The following STK38L variants were observed in gnomAD, a reference collection of about 807,000 sequenced individuals.
STK38L encodes the protein serine/threonine kinase 38 like.
In STK38L, 28 loss-of-function variants were observed where a neutral mutation model predicts 59.7. The observed-to-expected ratio is 0.47, with a 90% confidence interval of 0.35 to 0.64. The LOEUF is 0.64. STK38L is among the 30% of genes least tolerant of loss of function. The probability of loss-of-function intolerance (pLI) is 0.01; values close to 1 mark genes in which losing one functional copy is unlikely to be tolerated. For missense variants in STK38L, 314 were observed against 555.8 expected (o/e 0.56, Z 4.37); for synonymous variants, 162 against 176.8 (o/e 0.92, Z 0.66).
intron 1 of STK38L, among the ~76,000 whole-genome samples, chr12:27,273,102 C>A (rs1565531134): frequency 6.6e-6 from 1 of 151,326 alleles, no homozygotes; most frequent in Admixed American, 6.6e-5. Context: ...GTTGACAAAG[C>A]CAGTTTGTGT....
At chr12:27,298,014 T>G (rs1944068923) in intron 2 of STK38L, 160 bp downstream of exon 2, 1 of 856,526 alleles carries the variant, frequency 1.2e-6, no homozygotes, top group Non-Finnish European at 1.7e-6. Flanking sequence ...TGTGTTTTAT[T>G]TTCACAGAGT....
chr12:27,270,021 G>A (rs192508653), intron 1 of STK38L, among the ~76,000 whole-genome samples: 22 of 152,112 alleles, frequency 1.4e-4, no homozygotes, highest in Admixed American at 7.9e-4. Flanking sequence ...ATTTAATCCC[G>A]TATTCAAACT....
intron 1 of STK38L, among the ~76,000 whole-genome samples, chr12:27,262,372 T>C (rs1177948814): frequency 6.6e-6 from 1 of 152,220 alleles, no homozygotes; most frequent in African/African-American, 2.4e-5. Context: ...AAATTCCATA[T>C]ATTTTCACTG....
At chr12:27,256,086 G>A (rs1943086233) in intron 1 of STK38L, among the ~76,000 whole-genome samples, 1 of 152,140 alleles carries the variant, frequency 6.6e-6, no homozygotes, top group Admixed American at 6.5e-5. Flanking sequence ...CCTTAACTAT[G>A]TCTTGAACTC....
At chr12:27,260,129 A>C (rs1943175164) in intron 1 of STK38L, among the ~76,000 whole-genome samples, 1 of 152,018 alleles carries the variant, frequency 6.6e-6, no homozygotes, top group African/African-American at 2.4e-5. Context: ...TTTCTGACTC[A>C]TTCTCCTTCT....
intron 3 of STK38L, among the ~76,000 whole-genome samples, chr12:27,307,801 T>C (rs573592141): frequency 6.6e-6 from 1 of 152,356 alleles, no homozygotes; most frequent in East Asian, 1.9e-4. Flanking sequence ...TGTAATTGTT[T>C]TTGCAATTTT....
At position 27,322,514 on chromosome 12, in the gene STK38L, C is replaced by G; in HGVS notation, c.*59C>G. ...TCAGGTAGCTGCATCACCAGGCTTG[C>G]TTGGCGTAGATAACAATACACTGAA... On this transcript the variant is annotated 3_prime_UTR_variant, in exon 14 of 14. Transcript: ENST00000389032. 1 of 1,583,934 alleles carries G rather than the reference C, an allele frequency of 6.3e-7. No individual in the cohort carries two copies. The highest frequency in any genetic ancestry group is 8.6e-7 in the Non-Finnish European group (1 of 1,169,254).
chr12:27,269,357 G>A (rs1481995153), intron 1 of STK38L, among the ~76,000 whole-genome samples: 2 of 152,122 alleles, frequency 1.3e-5, no homozygotes, highest in Non-Finnish European at 2.9e-5. Context: ...AGTTTTCCCA[G>A]CACCATTTAT....
At chr12:27,295,406 G>A (rs776040614) in intron 1 of STK38L, among the ~76,000 whole-genome samples, 5 of 152,208 alleles carry the variant, frequency 3.3e-5, no homozygotes, top group African/African-American at 9.6e-5. Flanking sequence ...CATATGATCA[G>A]TTAGCAACAA....
chr12:27,283,903 C>T (rs183414447), intron 1 of STK38L, among the ~76,000 whole-genome samples: 119 of 152,234 alleles, frequency 7.8e-4, no homozygotes, highest in African/African-American at 2.7e-3. Flanking sequence ...AACTTTGGGG[C>T]GCACAGCTAA....
intron 1 of STK38L, among the ~76,000 whole-genome samples, chr12:27,274,120 G>A (rs569388372): frequency 9.2e-5 from 14 of 151,968 alleles, no homozygotes; most frequent in African/African-American, 3.1e-4. Context: ...GGGCGTAGTG[G>A]TGCACACCGG....
intron 3 of STK38L, among the ~76,000 whole-genome samples, chr12:27,303,923 AG>A (rs1944242223): frequency 1.3e-5 from 2 of 152,174 alleles, no homozygotes; most frequent in Admixed American, 6.5e-5. Flanking sequence ...TTACTAAAAA[AG>A]GTATACTTTA....
At chr12:27,314,408 A>G in intron 6 of STK38L, 96 bp from the exon 7 acceptor site, 1 of 1,142,492 alleles carries the variant, frequency 8.8e-7, no homozygotes, top group Non-Finnish European at 1.2e-6. Context: ...CTCCAAAAAA[A>G]AAAAAAAAAA....
intron 9 of STK38L, among the ~76,000 whole-genome samples, chr12:27,315,638 A>G (rs892129997): frequency 2.0e-5 from 3 of 152,192 alleles, no homozygotes; most frequent in African/African-American, 7.2e-5. Flanking sequence ...GGTGAATGCA[A>G]TTGTAATGAA....
chr12:27,317,089 A>G (rs1944604305), intron 9 of STK38L, among the ~76,000 whole-genome samples: 1 of 152,222 alleles, frequency 6.6e-6, no homozygotes, highest in Non-Finnish European at 1.5e-5. Context: ...TATTTGTTCA[A>G]CTAAGTGATG....
chr12:27,290,310 A>G (rs1943869441), intron 1 of STK38L, among the ~76,000 whole-genome samples: 1 of 152,228 alleles, frequency 6.6e-6, no homozygotes, highest in Non-Finnish European at 1.5e-5. Flanking sequence ...GGCTGCACCA[A>G]AATTCAGACC....
intron 1 of STK38L, among the ~76,000 whole-genome samples, chr12:27,269,195 A>C (rs1237206583): frequency 6.6e-6 from 1 of 152,170 alleles, no homozygotes; most frequent in Non-Finnish European, 1.5e-5. Context: ...GTCCTTGCCC[A>C]TGCCTATGTC....
At chr12:27,312,385 G>T (rs552648173) in intron 5 of STK38L, among the ~76,000 whole-genome samples, 164 bp from the exon 6 acceptor site, 1 of 152,216 alleles carries the variant, frequency 6.6e-6, no homozygotes, top group African/African-American at 2.4e-5. Context: ...TATTTCTTGA[G>T]GTTCTCCATA....
intron 1 of STK38L, among the ~76,000 whole-genome samples, chr12:27,256,914 G>T (rs575002664): frequency 2.0e-4 from 31 of 152,084 alleles, no homozygotes; most frequent in Non-Finnish European, 1.3e-4. Flanking sequence ...ATGTGGTTCC[G>T]TTTTACATCA....
Sources: allele counts gnomAD v4.1 joint callset (sites outside exome capture counted in the v4.1 genomes callset), GRCh38; gene constraint gnomAD v4.1.1; transcripts MANE v1.5; gene names NCBI Gene and HGNC (gene_info 2026-07-23, HGNC 2026-07-21).